EXOSC7: variants seen among roughly 807,000 people sequenced by gnomAD.
The protein encoded by EXOSC7 is exosome complex component RRP42.
A neutral mutation model predicts 34.3 loss-of-function variants in EXOSC7; 25 were observed. The ratio of observed to expected loss-of-function variants is 0.73; its 90% CI spans 0.53 to 1.02. The LOEUF is 1.02. EXOSC7 is among the 50% of genes least tolerant of loss of function. EXOSC7 has a pLI of 0.00. For missense variants in EXOSC7, 370 were observed against 368.5 expected (o/e 1.00, Z -0.03); for synonymous variants, 130 against 143.0 (o/e 0.91, Z 0.65).
intron 1 of EXOSC7, among the ~76,000 whole-genome samples, chr3:44,983,469 A>G (rs928753333): frequency 2.0e-5 from 3 of 152,258 alleles, no homozygotes; most frequent in African/African-American, 7.2e-5. Flanking sequence ...GGTCAAGGTC[A>G]CAAAACTGGC....
chr3:45,002,847 C>G (rs1706918400), intron 5 of EXOSC7, among the ~76,000 whole-genome samples: 1 of 152,190 alleles, frequency 6.6e-6, no homozygotes, highest in African/African-American at 2.4e-5. Context: ...AAATGTGAGC[C>G]TGGCACTCTT....
chr3:44,980,624 C>T (rs28427135), intron 1 of EXOSC7, among the ~76,000 whole-genome samples: 1,551 of 152,306 alleles, frequency 0.01, 27 homozygotes, highest in African/African-American at 0.032. Context: ...AGTAGGGATC[C>T]AGAGATCAAG....
At position 45,007,581 on chromosome 3, in the gene EXOSC7, G is replaced by C. The variant is rs145650051; in HGVS notation, c.771+6G>C. On this transcript the variant is annotated splice_donor_region_variant and intron_variant, in intron 7 of 7. Coordinates refer to ENST00000265564, the MANE Select transcript of EXOSC7 (RefSeq NM_015004.4). ...GCATCTTCGAGATGATGGAGGTGAG[G>C]CCTTAGTTCTGAGGAAGGTGCAGGG... is the stretch of plus-strand genomic sequence containing the variant. 7 of 1,598,616 alleles carry C rather than the reference G, an allele frequency of 4.4e-6. No homozygotes were observed. The highest frequency in any genetic ancestry group is 5.1e-6 in the Non-Finnish European group (6 of 1,172,146).
intron 5 of EXOSC7, among the ~76,000 whole-genome samples, chr3:45,003,750 G>A (rs1036536341): frequency 6.6e-6 from 1 of 152,154 alleles, no homozygotes; most frequent in South Asian, 2.1e-4. Flanking sequence ...CACACCTTCT[G>A]TACCCCCATG....
intron 7 of EXOSC7, among the ~76,000 whole-genome samples, chr3:45,009,527 A>G (rs1280917458): frequency 6.6e-6 from 1 of 150,954 alleles, no homozygotes; most frequent in African/African-American, 2.4e-5. Context: ...TCTTTTTCTA[A>G]TGTTATGGGA....
Position 45,011,432 on chromosome 3 carries a change from C to A in EXOSC7, c.*93C>A. On this transcript the variant is annotated 3_prime_UTR_variant, in exon 8 of 8. Coordinates refer to ENST00000265564, the MANE Select transcript of EXOSC7 (RefSeq NM_015004.4). The stretch of plus-strand genomic sequence containing the variant: ...TTTCTTCGCTGTTACGAATTTACAG[C>A]AGCATTTGTACATGTAAAATTAAAG... 2.5e-6 allele frequency: 2 copies of A among 789,566 alleles called. No individual in the cohort carries two copies. The highest frequency in any genetic ancestry group is 2.8e-5 in the East Asian group (1 of 35,664). 48.9% of individuals were successfully genotyped at this position (789,566 alleles called of 1,614,324 possible). A position where few individuals can be genotyped will look rare whatever the true frequency, so the allele number is the denominator to read the frequency against.
At position 45,007,469 on chromosome 3, in the gene EXOSC7, C is replaced by T. The variant is rs1559752504; in HGVS notation, c.665C>T (p.Ser222Leu). 5.6e-6 allele frequency: 9 copies of T among 1,614,002 alleles called. No homozygotes were observed. The highest frequency in any genetic ancestry group is 1.6e-4 in the Middle Eastern group (1 of 6,084). The change falls in exon 7 of 8, where the codon TCG becomes TTG. Residue 222 changes from serine (S) to leucine (L), a missense_variant. This residue lies in a region of EXOSC7 where 255 missense variants were observed against 246.4 expected (regional missense o/e 1.03). Transcript: ENST00000265564. ...VDATLQEEAC[S>L]LASLLVSVTS... Reference sequence around the variant, plus strand: ...GCTACTCTTCAGGAGGAGGCCTGCTCGCTGGCCAGCTTGCTGGTGTCGGTG... The same window carrying T: ...GCTACTCTTCAGGAGGAGGCCTGCTTGCTGGCCAGCTTGCTGGTGTCGGTG...
rs1435341958 is a variant in EXOSC7, at chr3:45,011,256, G to T, written c.793G>T (p.Val265Leu). The T allele has an allele frequency of 1.9e-6, 3 of 1,613,028 alleles. No individual in the cohort carries two copies. Among genetic ancestry groups the T allele is most frequent in the Non-Finnish European group, 2.5e-6 (3 of 1,179,572 alleles). The change falls in exon 8 of 8, where the codon GTA (valine) becomes TTA (leucine). Residue 265 changes from valine (V) to leucine (L), a missense_variant. Val to Leu is a conservative substitution (Grantham distance 32). Coordinates refer to ENST00000265564, the MANE Select transcript of EXOSC7 (RefSeq NM_015004.4). ...ACAGACTGGCAAGCGTGTGGGCAAGGTACTGCATGCCTCCTTGCAGAGTGT... is the reference window on the plus strand; with the variant it reads ...ACAGACTGGCAAGCGTGTGGGCAAGTTACTGCATGCCTCCTTGCAGAGTGT... ...MMETGKRVGKVLHASLQSVVH... is the reference protein window; with the variant it reads ...MMETGKRVGKLLHASLQSVVH...
chr3:44,995,923 C>T (rs1706709470), intron 3 of EXOSC7, among the ~76,000 whole-genome samples: 1 of 152,206 alleles, frequency 6.6e-6, no homozygotes, highest in African/African-American at 2.4e-5. Context: ...AATCTTCCTG[C>T]CTCTCTGGCC....
intron 7 of EXOSC7, among the ~76,000 whole-genome samples, chr3:45,009,079 CTG>C (rs1175532250): frequency 6.6e-6 from 1 of 152,182 alleles, no homozygotes; most frequent in Non-Finnish European, 1.5e-5. Flanking sequence ...TAAGCCAAGA[CTG>C]TGTGCGTCCA....
intron 4 of EXOSC7, among the ~76,000 whole-genome samples, chr3:45,001,227 C>T (rs538455095): frequency 2.0e-5 from 3 of 152,056 alleles, no homozygotes; most frequent in South Asian, 2.1e-4. Flanking sequence ...CTGAGGTAGG[C>T]GGATCACTTT....
chr3:45,005,582 G>A (rs1156461853), intron 6 of EXOSC7, among the ~76,000 whole-genome samples, 168 bp downstream of exon 6: 1 of 152,202 alleles, frequency 6.6e-6, no homozygotes, highest in African/African-American at 2.4e-5. Context: ...CCACTACCAC[G>A]AGTAGCTCTT....
At chr3:44,997,614 A>G (rs1706757489) in intron 4 of EXOSC7, among the ~76,000 whole-genome samples, 1 of 152,212 alleles carries the variant, frequency 6.6e-6, no homozygotes, top group Non-Finnish European at 1.5e-5. Flanking sequence ...AAGGATGATT[A>G]GCTCTTTACA....
intron 1 of EXOSC7, among the ~76,000 whole-genome samples, 150 bp from the exon 2 acceptor site, chr3:44,988,984 ATGTTGT>A (rs1298735862): frequency 7.2e-5 from 11 of 152,176 alleles, no homozygotes; most frequent in African/African-American, 2.2e-4. Flanking sequence ...TAAAATAGTA[ATGTTGT>A]TGTTAGCTAC....
chr3:45,009,460 C>T (rs1707145045), intron 7 of EXOSC7, among the ~76,000 whole-genome samples: 1 of 152,152 alleles, frequency 6.6e-6, no homozygotes, highest in Non-Finnish European at 1.5e-5. Context: ...TCCTCTCTCC[C>T]CACCCTCATG....
At chr3:44,992,761 C>T (rs988172041) in intron 3 of EXOSC7, among the ~76,000 whole-genome samples, 4 of 152,070 alleles carry the variant, frequency 2.6e-5, no homozygotes, top group Admixed American at 6.5e-5. Flanking sequence ...TGTCACCCTG[C>T]GCTGCCACTA....
At chr3:44,987,003 A>C (rs1706438112) in intron 1 of EXOSC7, among the ~76,000 whole-genome samples, 1 of 152,148 alleles carries the variant, frequency 6.6e-6, no homozygotes, top group Admixed American at 6.5e-5. Context: ...TTTCTGAAAA[A>C]AACTGCTTTT....
intron 3 of EXOSC7, among the ~76,000 whole-genome samples, chr3:44,990,887 C>T (rs1200542310): frequency 6.6e-6 from 1 of 152,242 alleles, no homozygotes; most frequent in Non-Finnish European, 1.5e-5. Context: ...CAAACAGACC[C>T]TTCTGAAAAT....
intron 4 of EXOSC7, among the ~76,000 whole-genome samples, chr3:45,000,520 C>A (rs1706845558): frequency 6.6e-6 from 1 of 152,334 alleles, no homozygotes; most frequent in East Asian, 1.9e-4. Context: ...GGATATGCCA[C>A]CTTCCAGTTA....
Sources: allele counts gnomAD v4.1 joint callset (sites outside exome capture counted in the v4.1 genomes callset), GRCh38; gene constraint gnomAD v4.1.1; regional missense constraint gnomAD v4.1.1; transcripts MANE v1.5; gene names NCBI Gene and HGNC (gene_info 2026-07-23, HGNC 2026-07-21).